Variants in CD163L1 observed in about 807,000 individuals in gnomAD.
CD163L1 encodes the protein scavenger receptor cysteine-rich type 1 protein M160.
A neutral mutation model predicts 165.4 loss-of-function variants in CD163L1; 124 were observed. The observed-to-expected ratio is 0.75, with a 90% CI of 0.65 to 0.87. The LOEUF (loss-of-function observed/expected upper bound fraction) is 0.87. Ranked by LOEUF, CD163L1 falls within the 40% of genes least tolerant of loss-of-function variation. The pLI is 0.00. For missense variants in CD163L1, 1,525 were observed against 1,799.9 expected (o/e 0.85, Z 2.76); for synonymous variants, 585 against 662.2 (o/e 0.88, Z 1.79).
chr12:7,418,107 T>C (rs1948282211), intron 4 of CD163L1, among the ~76,000 whole-genome samples: 2 of 152,064 alleles, frequency 1.3e-5, no homozygotes, highest in Admixed American at 1.3e-4. Flanking sequence ...ACATGGAATA[T>C]TCTCTAAAAT....
At chr12:7,389,432 T>C (rs1233680407) in intron 8 of CD163L1, among the ~76,000 whole-genome samples, 1 of 152,102 alleles carries the variant, frequency 6.6e-6, no homozygotes, top group Non-Finnish European at 1.5e-5. Context: ...CATCGCATGC[T>C]CTCACTTATT....
At chr12:7,354,540 A>G (rs1946737393), downstream of CD163L1, among the ~76,000 whole-genome samples, 1 of 152,174 alleles carries the variant, frequency 6.6e-6, no homozygotes. Context: ...ATTGTTCAGC[A>G]GAAGTAGGAG....
chr12:7,362,905 A>G (rs1946933822), intron 18 of CD163L1, among the ~76,000 whole-genome samples: 1 of 151,714 alleles, frequency 6.6e-6, no homozygotes, highest in Admixed American at 6.6e-5. Flanking sequence ...AATGTGGTAT[A>G]TATATGCCAT....
intron 4 of CD163L1, among the ~76,000 whole-genome samples, chr12:7,411,441 G>A (rs1038126026): frequency 1.3e-5 from 2 of 152,190 alleles, no homozygotes; most frequent in Non-Finnish European, 1.5e-5. Flanking sequence ...TTTTGGTCAT[G>A]GAGGAGGATC....
intron 5 of CD163L1, among the ~76,000 whole-genome samples, chr12:7,404,420 T>C (rs1947974469): frequency 6.6e-6 from 1 of 152,200 alleles, no homozygotes; most frequent in African/African-American, 2.4e-5. Context: ...TTAAACATAT[T>C]TGTCATAGGA....
At position 7,380,274 on chromosome 12, in the gene CD163L1, GGTGTGTGTGTGT is replaced by G. The variant is rs56789470; in HGVS notation, c.2051-988_2051-977del. 1.1e-4 allele frequency among the ~76,000 whole-genome samples: 16 copies of G among 146,742 alleles called. 1 individual carries two copies. The South Asian group carries it at 2.0e-3, about 18-fold the overall frequency. The stretch of plus-strand genomic sequence containing the variant: ...ATCAACAAGTGGATAAAGAAACTGT[GGTGTGTGTGTGT>G]GTGTGTGTGTGTGTGTATACACATA... On this transcript the variant is annotated intron_variant, in intron 8 of 19. Transcript: ENST00000313599.
intron 8 of CD163L1, among the ~76,000 whole-genome samples, chr12:7,382,470 A>G (rs908449176): frequency 6.6e-6 from 1 of 152,182 alleles, no homozygotes; most frequent in Admixed American, 6.5e-5. Flanking sequence ...CAGAGAGAGA[A>G]AGAAGTGAAG....
At chr12:7,371,741 G>C (rs1947150364) in intron 14 of CD163L1, among the ~76,000 whole-genome samples, 1 of 151,994 alleles carries the variant, frequency 6.6e-6, no homozygotes, top group Non-Finnish European at 1.5e-5. Context: ...GATGGCCAAT[G>C]ACAGGGATTT....
intron 14 of CD163L1, among the ~76,000 whole-genome samples, chr12:7,370,096 A>G (rs1030464079): frequency 6.6e-6 from 1 of 152,096 alleles, no homozygotes; most frequent in Non-Finnish European, 1.5e-5. Flanking sequence ...CCCTCCAATT[A>G]TCAGTCCTTT....
At chr12:7,393,013 T>C (rs1189540899) in intron 8 of CD163L1, among the ~76,000 whole-genome samples, 1 of 152,166 alleles carries the variant, frequency 6.6e-6, no homozygotes. Context: ...GTTGGTACCA[T>C]TCTTTCCGAA....
chr12:7,380,325 GTATGTATACACGTATACATACATGTA>G (rs1947361073), intron 8 of CD163L1, among the ~76,000 whole-genome samples: 1 of 147,952 alleles, frequency 6.8e-6, no homozygotes, highest in African/African-American at 2.6e-5. Context: ...ATACATATAT[GTATGTATACACGTATACATACATGTA>G]TGTGTGTATA....
At chr12:7,332,677 C>G in the CD163L1 span, among the ~76,000 whole-genome samples, 2 of 152,156 alleles carry the variant, frequency 1.3e-5, no homozygotes, top group East Asian at 3.8e-4. Context: ...CATATCCAGC[C>G]AAACTAAGCT....
chr12:7,336,923 C>T, the CD163L1 span, among the ~76,000 whole-genome samples: 1 of 152,108 alleles, frequency 6.6e-6, no homozygotes, highest in African/African-American at 2.4e-5. Context: ...TCAAACTATG[C>T]TACAAGGCTA....
the CD163L1 span, among the ~76,000 whole-genome samples, chr12:7,328,041 G>C: frequency 9.6e-4 from 146 of 152,244 alleles, 1 homozygote; most frequent in African/African-American, 3.2e-3. Flanking sequence ...ATGGGGTAAA[G>C]GGATTATTAC....
the CD163L1 span, chr12:7,322,649 T>C: frequency 7.2e-7 from 1 of 1,386,718 alleles, no homozygotes; most frequent in Non-Finnish European, 9.6e-7. Context: ...TTTTATAGAG[T>C]TTCCCGGGAT....
At chr12:7,429,361 T>G (rs1948593497) in intron 4 of CD163L1, among the ~76,000 whole-genome samples, 1 of 152,092 alleles carries the variant, frequency 6.6e-6, no homozygotes, top group African/African-American at 2.4e-5. Flanking sequence ...TCCGTCCAGA[T>G]TCCTCTAAAA....
rs1948664174 is a variant in CD163L1, at chr12:7,433,494, T to C, written c.325A>G (p.Lys109Glu). 2 of 1,614,162 alleles carry C rather than the reference T, an allele frequency of 1.2e-6. No individual in the cohort carries two copies. The highest frequency in any genetic ancestry group is 1.7e-6 in the Non-Finnish European group (2 of 1,180,022). The change falls in exon 3 of 20, where the codon AAA becomes GAA. Residue 109 changes from lysine to glutamate, a missense_variant. Transcript: ENST00000313599. ...CAGGAAACATCATCAAGCCAAATTTTTCCATGTCTAGTCACGGCTTGTCCA... is the reference window on the plus strand; with the variant it reads ...CAGGAAACATCATCAAGCCAAATTTCTCCATGTCTAGTCACGGCTTGTCCA... ...RFGQAVTRHG[K>E]IWLDDVSCYG...
intron 8 of CD163L1, among the ~76,000 whole-genome samples, chr12:7,380,390 T>TATACACACATGTATGTGTGTATAC (rs1565784373): frequency 2.2e-4 from 9 of 41,492 alleles, no homozygotes; most frequent in Non-Finnish European, 6.6e-4. Flanking sequence ...TGTGTGTATA[T>TATACACACATGTATGTGTGTATAC]GCGTATACAC....
At chr12:7,328,450 A>G in the CD163L1 span, 3 of 1,134,918 alleles carry the variant, frequency 2.6e-6, no homozygotes, top group East Asian at 3.1e-5. Flanking sequence ...TTCAGCGACT[A>G]CTCTCTTAAA....
Sources: gnomAD v4.1 joint callset for allele counts (sites outside exome capture counted in the v4.1 genomes callset) on GRCh38, gnomAD v4.1.1 for gene constraint, MANE v1.5 for transcripts, NCBI Gene and HGNC (gene_info 2026-07-23, HGNC 2026-07-21) for gene names.